The following HIVEP2 variants were observed in gnomAD, a reference collection of about 807,000 sequenced individuals.
HIVEP2 encodes the protein transcription factor HIVEP2.
HIVEP2 carries 14 observed loss-of-function variants against 180.7 expected under a neutral mutation model. The ratio of observed to expected loss-of-function variants is 0.08; its 90% CI spans 0.05 to 0.12. The LOEUF is 0.12. HIVEP2 is among the 10% of genes least tolerant of loss of function. The pLI, the probability that HIVEP2 is intolerant of heterozygous loss-of-function variation, is 1.00. For synonymous variants in HIVEP2, 1,184 were observed against 1,136.4 expected (o/e 1.04, Z -0.84); for missense variants, 2,579 against 3,008.5 (o/e 0.86, Z 3.34).
intron 1 of HIVEP2, among the ~76,000 whole-genome samples, chr6:142,855,009 A>C (rs570098106): frequency 2.6e-4 from 40 of 152,308 alleles, no homozygotes; most frequent in Middle Eastern, 3.4e-3. Context: ...AAAGCAGAAA[A>C]AGTTTGGCTT....
At chr6:142,882,913 A>G (rs1776608417) in intron 1 of HIVEP2, among the ~76,000 whole-genome samples, 2 of 152,178 alleles carry the variant, frequency 1.3e-5, no homozygotes, top group South Asian at 4.1e-4. Flanking sequence ...CATATTAACC[A>G]GGAAACTCCA....
rs183986284 is a variant in HIVEP2 at position 142,783,165 on chromosome 6, T to C, written c.-433+356A>G. Among the ~76,000 whole-genome samples the C allele has an allele frequency of 7.6e-4, 115 of 151,724 alleles. 1 individual carries two copies. Among genetic ancestry groups the C allele is most frequent in the Middle Eastern group, 6.8e-3 (2 of 292 alleles). On this transcript the variant is annotated intron_variant, in intron 3 of 9. Transcript: ENST00000367603. ...CAACATGGTGAAACCCTGTCTCTAC[T>C]AAAAATACAAAAATTAGCCGGGCAT... is the stretch of plus-strand genomic sequence containing the variant.
intron 1 of HIVEP2, among the ~76,000 whole-genome samples, chr6:142,892,917 A>G (rs1193150375): frequency 2.0e-5 from 3 of 152,192 alleles, no homozygotes; most frequent in African/African-American, 7.2e-5. Flanking sequence ...ATTCCATCGT[A>G]CCAAAAAGGA....
intron 2 of HIVEP2, chr6:142,788,005 T>C (rs1269201762): frequency 6.6e-6 from 1 of 152,172 alleles, no homozygotes; most frequent in Admixed American, 6.5e-5. Context: ...ACACCAAAGC[T>C]ACATATGGTC....
chr6:142,905,664 C>T (rs534865139), intron 1 of HIVEP2, among the ~76,000 whole-genome samples: 1 of 152,172 alleles, frequency 6.6e-6, no homozygotes, highest in South Asian at 2.1e-4. Context: ...CATTTACTGT[C>T]TAATTTATCA....
At chr6:142,784,718 C>T (rs1010827093) in intron 2 of HIVEP2, among the ~76,000 whole-genome samples, 2 of 152,080 alleles carry the variant, frequency 1.3e-5, no homozygotes, top group African/African-American at 4.8e-5. Context: ...TTCTTCTTGC[C>T]TCAAATCAAC....
chr6:142,768,818 A>G (rs985517119), intron 5 of HIVEP2, among the ~76,000 whole-genome samples: 2 of 152,048 alleles, frequency 1.3e-5, no homozygotes, highest in Non-Finnish European at 2.9e-5. Context: ...TGCAATGCTA[A>G]TACTTAAAAG....
intron 1 of HIVEP2, among the ~76,000 whole-genome samples, chr6:142,875,378 G>A (rs1776408599): frequency 6.6e-6 from 1 of 152,128 alleles, no homozygotes; most frequent in Non-Finnish European, 1.5e-5. Context: ...AGAGCCCTAT[G>A]GGACATGGTG....
Position 142,770,971 on chromosome 6 carries a change from G to C in HIVEP2, c.3768C>G (p.Pro1256=), listed in dbSNP as rs1775523810. The C allele has an allele frequency of 6.2e-7, 1 of 1,614,082 alleles. No homozygotes were observed. The highest frequency in any genetic ancestry group is 1.3e-5 in the African/African-American group (1 of 74,906). ...CAGTGTGCTCTGCCACATGCTCTAAGGGATAGCTCGAATGGATTTCTGTCT... is the reference window on the plus strand; with the variant it reads ...CAGTGTGCTCTGCCACATGCTCTAACGGATAGCTCGAATGGATTTCTGTCT... The part of the protein sequence containing the change: ...SFQTEIHSSY[P]LEHVAEHTGK... The change falls in exon 5 of 10, where the codon CCC becomes CCG. Residue 1256 remains proline (P), a synonymous_variant. Coordinates refer to ENST00000367603, the MANE Select transcript of HIVEP2 (RefSeq NM_006734.4). This position sits in a 1 kb window ranked among gnomAD's most constrained non-coding sequence, Gnocchi z 4.7.
intron 1 of HIVEP2, among the ~76,000 whole-genome samples, chr6:142,878,633 G>A (rs1776505524): frequency 6.6e-6 from 1 of 152,194 alleles, no homozygotes; most frequent in South Asian, 2.1e-4. Context: ...GAAGTACAGA[G>A]TGTTTTCTGT....
At chr6:142,842,117 TC>T (rs1447515898) in intron 1 of HIVEP2, among the ~76,000 whole-genome samples, 2 of 152,122 alleles carry the variant, frequency 1.3e-5, no homozygotes, top group East Asian at 3.8e-4. Context: ...AGCCCTGAGT[TC>T]CTTTAAAACA....
chr6:142,762,977 TC>T lies in HIVEP2; in HGVS notation c.5519-1413del, dbSNP rs1582833816. ...AAATCTAGAAAATTAATGAAATGTA[TC>T]TACAAATTAATAAAAATCATCACTT... On this transcript the variant is annotated intron_variant, in intron 7 of 9. Coordinates refer to ENST00000367603, the MANE Select transcript of HIVEP2 (RefSeq NM_006734.4). Among the ~76,000 whole-genome samples, 3 of 152,328 alleles carry T rather than the reference TC, an allele frequency of 2.0e-5. No individual in the cohort carries two copies. The East Asian group carries it at 5.8e-4, about 29-fold the overall frequency.
At chr6:142,900,642 A>AT (rs906434411) in intron 1 of HIVEP2, among the ~76,000 whole-genome samples, 1 of 152,120 alleles carries the variant, frequency 6.6e-6, no homozygotes, top group African/African-American at 2.4e-5. Context: ...GGAGAAGAGC[A>AT]TTTTTCTTGC....
At chr6:142,904,016 A>G (rs1209764357) in intron 1 of HIVEP2, among the ~76,000 whole-genome samples, 1 of 152,176 alleles carries the variant, frequency 6.6e-6, no homozygotes. Flanking sequence ...GCACTGAGGA[A>G]TATGGAGGGG....
chr6:142,900,594 A>G (rs1777112480), intron 1 of HIVEP2, among the ~76,000 whole-genome samples: 1 of 152,186 alleles, frequency 6.6e-6, no homozygotes, highest in South Asian at 2.1e-4. Context: ...AGACACACAG[A>G]AAAGCAATAA....
intron 1 of HIVEP2, among the ~76,000 whole-genome samples, chr6:142,879,571 G>A (rs889853464): frequency 2.6e-5 from 4 of 151,958 alleles, no homozygotes; most frequent in Non-Finnish European, 5.9e-5. Flanking sequence ...ACTTGCTAAT[G>A]CAAGACCCCC....
chr6:142,836,085 A>T (rs1422943028), intron 2 of HIVEP2, among the ~76,000 whole-genome samples: 1 of 152,200 alleles, frequency 6.6e-6, no homozygotes, highest in Non-Finnish European at 1.5e-5. Context: ...ACAATTTTAG[A>T]ATCATGAATA....
At chr6:142,860,368 G>T (rs1366848107) in intron 1 of HIVEP2, among the ~76,000 whole-genome samples, 1 of 152,164 alleles carries the variant, frequency 6.6e-6, no homozygotes, top group Non-Finnish European at 1.5e-5. Flanking sequence ...TGGGCACCAG[G>T]GACTGGTTTC....
At chr6:142,811,089 T>C (rs1315301192) in intron 2 of HIVEP2, among the ~76,000 whole-genome samples, 1 of 151,982 alleles carries the variant, frequency 6.6e-6, no homozygotes, top group Non-Finnish European at 1.5e-5. Flanking sequence ...CAAAAATGAG[T>C]GTCTAGCTTC....
Sources: allele counts gnomAD v4.1 joint callset (sites outside exome capture counted in the v4.1 genomes callset), GRCh38; gene constraint gnomAD v4.1.1; non-coding constraint Gnocchi (gnomAD v3.1); transcripts MANE v1.5; gene names NCBI Gene and HGNC (gene_info 2026-07-23, HGNC 2026-07-21).